The following BBX variants were observed in gnomAD, a reference collection of about 807,000 sequenced individuals.
The protein encoded by BBX is BBX high mobility group box domain containing.
A neutral mutation model predicts 100.2 loss-of-function variants in BBX; 30 were observed. The ratio of observed to expected loss-of-function variants is 0.30; its 90% CI spans 0.22 to 0.41. The LOEUF (loss-of-function observed/expected upper bound fraction) is 0.41. Ranked by LOEUF, BBX falls within the 10% of genes least tolerant of loss-of-function variation. The pLI is 1.00. For synonymous variants in BBX, 376 were observed against 388.1 expected (o/e 0.97, Z 0.37); for missense variants, 1,023 against 1,129.8 (o/e 0.91, Z 1.35).
At chr3:107,795,621 T>A (rs2069556333) in intron 15 of BBX, among the ~76,000 whole-genome samples, 1 of 141,274 alleles carries the variant, frequency 7.1e-6, no homozygotes, top group South Asian at 2.5e-4. Flanking sequence ...GTCTTTTTTT[T>A]TTTTTTTTTT....
intron 15 of BBX, among the ~76,000 whole-genome samples, chr3:107,795,362 CCTG>C (rs2069515199): frequency 6.6e-6 from 1 of 152,178 alleles, no homozygotes; most frequent in African/African-American, 2.4e-5. Flanking sequence ...GAGGGCTGAT[CCTG>C]AAGGCTGTCC....
intron 3 of BBX, among the ~76,000 whole-genome samples, chr3:107,685,705 G>A (rs991465778): frequency 6.6e-6 from 1 of 152,228 alleles, no homozygotes; most frequent in African/African-American, 2.4e-5. Context: ...TTGGGCAGAA[G>A]TCCCAATAAC....
chr3:107,708,632 CCACTG>C (rs2061527334), intron 3 of BBX, among the ~76,000 whole-genome samples: 1 of 149,728 alleles, frequency 6.7e-6, no homozygotes, highest in South Asian at 2.1e-4. Context: ...TGAGATCGCA[CCACTG>C]CACTCCAACC....
chr3:107,639,930 T>C (rs1020564307), intron 2 of BBX, among the ~76,000 whole-genome samples: 9 of 152,198 alleles, frequency 5.9e-5, no homozygotes, highest in African/African-American at 1.9e-4. Context: ...ATGCTGAGAA[T>C]AGTCAAGGCA....
chr3:107,639,019 G>T (rs1035939294), intron 2 of BBX, among the ~76,000 whole-genome samples: 8 of 152,004 alleles, frequency 5.3e-5, no homozygotes, highest in Non-Finnish European at 7.4e-5. Flanking sequence ...TATAATTTTT[G>T]ATCATAATAT....
At chr3:107,549,526 T>A (rs2049500504) in intron 2 of BBX, among the ~76,000 whole-genome samples, 1 of 152,174 alleles carries the variant, frequency 6.6e-6, no homozygotes, top group Non-Finnish European at 1.5e-5. Context: ...ATGTCCGTCC[T>A]CTTCCAAGAC....
At chr3:107,549,362 T>C (rs2049485326) in intron 2 of BBX, among the ~76,000 whole-genome samples, 1 of 152,054 alleles carries the variant, frequency 6.6e-6, no homozygotes, top group Non-Finnish European at 1.5e-5. Flanking sequence ...ATTAGATGGC[T>C]ATATGTTATA....
intron 15 of BBX, 71 bp from the exon 16 acceptor site, chr3:107,798,452 G>C: frequency 7.0e-7 from 1 of 1,422,398 alleles, no homozygotes; most frequent in South Asian, 1.2e-5. Flanking sequence ...ATTTAGACAT[G>C]TTTCCTTCTA....
chr3:107,597,074 T>G (rs1173691183), intron 2 of BBX, among the ~76,000 whole-genome samples: 1 of 152,228 alleles, frequency 6.6e-6, no homozygotes, highest in Non-Finnish European at 1.5e-5. Flanking sequence ...TTGCTAATGG[T>G]GTAATTGCCA....
In BBX at chr3:107,810,091, A is replaced by G. The variant is rs973945587; in HGVS notation, c.*4634A>G. On this transcript the variant is annotated 3_prime_UTR_variant, in exon 18 of 18. Coordinates refer to ENST00000325805, the MANE Select transcript of BBX (RefSeq NM_001142568.3). The stretch of plus-strand genomic sequence containing the variant: ...TTTCACTGAGGACCTTATCTTCCTT[A>G]TATTTCAGAACAAAGAAGCAACAAG... 2 of 152,056 alleles carry G rather than the reference A, an allele frequency of 1.3e-5. No individual in the cohort carries two copies. Among genetic ancestry groups the G allele is most frequent in the African/African-American group, 2.4e-5 (1 of 41,402 alleles). The allele number at this position is 152,056 out of a possible 1,614,324, so 9.4% of individuals were successfully genotyped here.
At chr3:107,676,202 TG>T (rs2059272137) in intron 3 of BBX, among the ~76,000 whole-genome samples, 2 of 152,162 alleles carry the variant, frequency 1.3e-5, no homozygotes, top group African/African-American at 4.8e-5. Flanking sequence ...TTTAGATAGA[TG>T]TGGATTTCAT....
rs1394135406 is a variant in BBX, at chr3:107,523,000, G to C, written c.-263G>C. ...TATGTGGAGCAGTGTACAGTGAAGC[G>C]GAGGCAGAGCGGCTCCGCGAGCTTC... On this transcript the variant is annotated 5_prime_UTR_variant, in exon 1 of 18. Transcript: ENST00000325805. 6.5e-6 allele frequency: 1 copy of C among 153,054 alleles called. No individual in the cohort carries two copies. The highest frequency in any genetic ancestry group is 1.5e-5 in the Non-Finnish European group (1 of 68,550). The allele number at this position is 153,054 out of a possible 1,614,324, so 9.5% of individuals were successfully genotyped here.
intron 4 of BBX, chr3:107,711,439 A>G: frequency 2.5e-6 from 1 of 406,564 alleles, no homozygotes; most frequent in African/African-American, 2.1e-5. Context: ...CGAATTTTAT[A>G]AACATGTTTT....
chr3:107,797,984 C>T (rs1029431870), intron 15 of BBX, among the ~76,000 whole-genome samples: 9 of 152,196 alleles, frequency 5.9e-5, no homozygotes, highest in Admixed American at 5.2e-4. Flanking sequence ...TTTGTCCTGT[C>T]CTTACTGCAC....
At chr3:107,574,456 A>G (rs2051621689) in intron 2 of BBX, among the ~76,000 whole-genome samples, 1 of 152,228 alleles carries the variant, frequency 6.6e-6, no homozygotes, top group African/African-American at 2.4e-5. Context: ...AGTATCTATT[A>G]AAGTTTAGGC....
chr3:107,617,300 G>A (rs373353425), intron 2 of BBX, among the ~76,000 whole-genome samples: 1 of 152,096 alleles, frequency 6.6e-6, no homozygotes, highest in East Asian at 1.9e-4. Context: ...AGCTATGTAA[G>A]TATTGAAAGC....
chr3:107,687,410 G>A (rs1413515604), intron 3 of BBX, among the ~76,000 whole-genome samples: 1 of 150,214 alleles, frequency 6.7e-6, no homozygotes, highest in Non-Finnish European at 1.5e-5. Flanking sequence ...TATTTTTCTT[G>A]TAGAGAATGG....
intron 2 of BBX, among the ~76,000 whole-genome samples, chr3:107,624,983 A>C (rs1441936749): frequency 2.6e-5 from 4 of 152,224 alleles, no homozygotes; most frequent in African/African-American, 9.6e-5. Flanking sequence ...CATGACTGAT[A>C]ATTCTATTAT....
intron 15 of BBX, 144 bp from the exon 16 acceptor site, chr3:107,798,379 T>C: frequency 1.3e-6 from 1 of 746,672 alleles, no homozygotes; most frequent in East Asian, 2.7e-5. Flanking sequence ...ACGTTTTATT[T>C]CATTTTTTCC....
Sources: allele counts gnomAD v4.1 joint callset (sites outside exome capture counted in the v4.1 genomes callset), GRCh38; gene constraint gnomAD v4.1.1; transcripts MANE v1.5; gene names NCBI Gene and HGNC (gene_info 2026-07-23, HGNC 2026-07-21).